The following MAX variants were observed in gnomAD, a reference collection of about 807,000 sequenced individuals.
MAX encodes protein max.
Under a neutral mutation model 22.3 loss-of-function variants are expected in MAX, and 3 were observed. The observed-to-expected ratio is 0.13, with a 90% CI of 0.06 to 0.35. The LOEUF (loss-of-function observed/expected upper bound fraction) is 0.35. Among genes scored for constraint, MAX ranks in the 10% least tolerant of loss-of-function variants. MAX has a pLI of 1.00. For missense variants in MAX, 119 were observed against 209.4 expected (o/e 0.57, Z 2.66); for synonymous variants, 72 against 77.7 (o/e 0.93, Z 0.39).
At chr14:65,058,910 A>G (rs2062801774) in intron 3 of MAX, among the ~76,000 whole-genome samples, 1 of 152,338 alleles carries the variant, frequency 6.6e-6, no homozygotes, top group African/African-American at 2.4e-5. Flanking sequence ...ATGTACATTC[A>G]TAAGAAAGAT....
Position 65,027,245 on chromosome 14 carries a change from C to A in MAX, c.172-20961G>T. The stretch of plus-strand genomic sequence containing the variant: ...GACCAACAAGCGCTTAAGTACGAAA[C>A]TCAGAGGAGGGCAGACAGAAATGAT... On this transcript the variant is annotated intron_variant, in intron 3 of 3. Coordinates refer to the MAX transcript ENST00000341653. The surrounding 1 kb of genome is among the most constrained non-coding windows in gnomAD (Gnocchi z 5.7). 2.5e-6 allele frequency: 2 copies of A among 785,412 alleles called. No individual in the cohort carries two copies. Among genetic ancestry groups the A allele is most frequent in the Admixed American group, 3.1e-5 (1 of 32,260 alleles). The allele number at this position is 785,412 out of a possible 1,614,324, so 48.7% of individuals were successfully genotyped here. A position where few individuals can be genotyped will look rare whatever the true frequency, so the allele number is the denominator to read the frequency against.
At position 65,054,654 on chromosome 14, in the gene MAX, C is replaced by T; in HGVS notation, c.171+39054G>A. The T allele has an allele frequency of 6.2e-7, 1 of 1,613,400 alleles. No individual in the cohort carries two copies. Among genetic ancestry groups the T allele is most frequent in the Non-Finnish European group, 8.5e-7 (1 of 1,179,684 alleles). On this transcript the variant is annotated intron_variant, in intron 3 of 3. Coordinates refer to the MAX transcript ENST00000341653. The surrounding 1 kb of genome is among the most constrained non-coding windows in gnomAD (Gnocchi z 4.4). ...GCACTTCGGCAGCGGAGCCATGTTGCATGATGTGGTCCTGGGTGTGCCCGA... is the reference window on the plus strand; with the variant it reads ...GCACTTCGGCAGCGGAGCCATGTTGTATGATGTGGTCCTGGGTGTGCCCGA...
chr14:65,057,551 T>C (rs2062765154), intron 3 of MAX, among the ~76,000 whole-genome samples: 1 of 152,188 alleles, frequency 6.6e-6, no homozygotes, highest in Non-Finnish European at 1.5e-5. Context: ...ATCTCTACCA[T>C]TTTTTGAGGG....
In MAX at chr14:65,088,920, T is replaced by C. The variant is rs2063419155; in HGVS notation, c.171+4788A>G. Among the ~76,000 whole-genome samples, 1 of 151,580 alleles carries C rather than the reference T, an allele frequency of 6.6e-6. No homozygotes were observed. The highest frequency in any genetic ancestry group is 2.1e-4 in the South Asian group (1 of 4,828). On this transcript the variant is annotated intron_variant, in intron 3 of 4. Coordinates refer to ENST00000358664, the MANE Select transcript of MAX (RefSeq NM_002382.5). This position sits in a 1 kb window ranked among gnomAD's most constrained non-coding sequence, Gnocchi z 5.2. Reference sequence around the variant, plus strand: ...ATGTTCCCTGCCATAAGGGAACTATTATATTTGGTTTCAACATCTACCTGT... The same window carrying C: ...ATGTTCCCTGCCATAAGGGAACTATCATATTTGGTTTCAACATCTACCTGT...
intron 3 of MAX, among the ~76,000 whole-genome samples, chr14:65,067,793 ATT>A (rs59262877): frequency 1.2e-3 from 149 of 123,100 alleles, no homozygotes; most frequent in African/African-American, 2.6e-3. Flanking sequence ...AGCTAATTAC[ATT>A]TTTTTTTTTT....
At chr14:65,085,724 AG>A (rs967657005) in intron 3 of MAX, among the ~76,000 whole-genome samples, 1 of 152,142 alleles carries the variant, frequency 6.6e-6, no homozygotes, top group African/African-American at 2.4e-5. Flanking sequence ...GACTGAGGGA[AG>A]GGGGGAACTC....
chr14:65,077,640 G>A lies in MAX; in HGVS notation c.295+273C>T. ...AGGTGTGATCCCTACTGCAGGCAGAGCACCTGAGCCCCAAGAAGGGGAGAG... is the reference window on the plus strand; with the variant it reads ...AGGTGTGATCCCTACTGCAGGCAGAACACCTGAGCCCCAAGAAGGGGAGAG... On this transcript the variant is annotated intron_variant, in intron 4 of 4. Coordinates refer to ENST00000358664, the MANE Select transcript of MAX (RefSeq NM_002382.5). The surrounding 1 kb of genome is among the most constrained non-coding windows in gnomAD (Gnocchi z 6.3). 1 of 1,299,670 alleles carries A rather than the reference G, an allele frequency of 7.7e-7. No individual in the cohort carries two copies. Among genetic ancestry groups the A allele is most frequent in the Non-Finnish European group, 1.1e-6 (1 of 925,994 alleles). 80.5% of individuals were successfully genotyped at this position (1,299,670 alleles called of 1,614,324 possible). A position where few individuals can be genotyped will look rare whatever the true frequency, so the allele number is the denominator to read the frequency against.
At chr14:65,042,533 G>A (rs2062375994) in intron 3 of MAX, among the ~76,000 whole-genome samples, 1 of 152,150 alleles carries the variant, frequency 6.6e-6, no homozygotes, top group Admixed American at 6.5e-5. Flanking sequence ...GAGCAGTGAG[G>A]AGCAGCTGTA....
intron 3 of MAX, chr14:65,061,095 A>G: frequency 1.9e-6 from 3 of 1,556,894 alleles, no homozygotes; most frequent in Non-Finnish European, 2.6e-6. Flanking sequence ...CTAAATTCTT[A>G]GAAGTGCCTT....
chr14:65,042,442 G>A (rs756303358), intron 3 of MAX, among the ~76,000 whole-genome samples: 2 of 152,120 alleles, frequency 1.3e-5, no homozygotes, highest in South Asian at 2.1e-4. Flanking sequence ...TGGCATACAC[G>A]GTTCACAGTA....
At chr14:65,015,309 G>T (rs1171016515) in intron 3 of MAX, among the ~76,000 whole-genome samples, 1 of 151,620 alleles carries the variant, frequency 6.6e-6, no homozygotes, top group Non-Finnish European at 1.5e-5. Flanking sequence ...CGCCATGTTG[G>T]CCAGGCTGGT....
At chr14:65,051,579 C>A (rs1188035074) in intron 3 of MAX, among the ~76,000 whole-genome samples, 1 of 151,552 alleles carries the variant, frequency 6.6e-6, no homozygotes, top group East Asian at 2.0e-4. Context: ...CCATTGCCCT[C>A]CAACCTGGGC....
chr14:65,055,589 T>C (rs1325034838), intron 3 of MAX, among the ~76,000 whole-genome samples: 1 of 152,128 alleles, frequency 6.6e-6, no homozygotes, highest in Admixed American at 6.5e-5. Flanking sequence ...TGATATTGGC[T>C]CACTGCAACC....
intron 3 of MAX, among the ~76,000 whole-genome samples, chr14:65,021,712 C>A (rs2061888922): frequency 6.6e-6 from 1 of 152,222 alleles, no homozygotes; most frequent in Admixed American, 6.5e-5. Context: ...CTGGTGCAAT[C>A]TCAGCTCACT....
intron 2 of MAX, among the ~76,000 whole-genome samples, chr14:65,100,686 T>G (rs2063806057): frequency 6.6e-6 from 1 of 152,198 alleles, no homozygotes; most frequent in Non-Finnish European, 1.5e-5. Flanking sequence ...TATTAGACAC[T>G]CTGATATACT....
rs2061675877 is a variant in MAX at position 65,011,054 on chromosome 14, C to T, written c.172-4770G>A. 6.6e-6 allele frequency among the ~76,000 whole-genome samples: 1 copy of T among 152,160 alleles called. No individual in the cohort carries two copies. ...TTGAGCCTCAGTAGTATGTTTTTCCCTTGCAAAACCTACCCATTCTTTCCT... is the reference window on the plus strand; with the variant it reads ...TTGAGCCTCAGTAGTATGTTTTTCCTTTGCAAAACCTACCCATTCTTTCCT... On this transcript the variant is annotated intron_variant, in intron 3 of 3. Coordinates refer to the MAX transcript ENST00000341653. The surrounding 1 kb of genome is among the most constrained non-coding windows in gnomAD (Gnocchi z 4.0).
Position 65,077,438 on chromosome 14 carries a change from T to C in MAX, c.295+475A>G. The stretch of plus-strand genomic sequence containing the variant: ...CAGCTCTCGCTTTCCCCTGTGGTTG[T>C]AGGAAAAGGCGGGTGTGAGCATTGA... On this transcript the variant is annotated intron_variant, in intron 4 of 4. Coordinates refer to ENST00000358664, the MANE Select transcript of MAX (RefSeq NM_002382.5). The surrounding 1 kb of genome is among the most constrained non-coding windows in gnomAD (Gnocchi z 6.3). 6.3e-7 allele frequency: 1 copy of C among 1,585,216 alleles called. No individual in the cohort carries two copies. Among genetic ancestry groups the C allele is most frequent in the Non-Finnish European group, 8.7e-7 (1 of 1,153,772 alleles).
intron 3 of MAX, chr14:65,090,436 CT>C (rs1201534085): frequency 1.3e-5 from 2 of 152,216 alleles, no homozygotes; most frequent in African/African-American, 4.8e-5. Flanking sequence ...TATACAACTG[CT>C]GTGTGGATTT....
rs2063586075 is a variant in MAX, at chr14:65,093,935, A to G, written c.64-120T>C. On this transcript the variant is annotated intron_variant, in intron 2 of 4. Transcript: ENST00000358664. The surrounding 1 kb of genome is among the most constrained non-coding windows in gnomAD (Gnocchi z 4.4). ...ACTGTCCCTGGCGAGTGGACTGGGAAGGATTTCTCGAGGTGGGCAGTTAGG... is the reference window on the plus strand; with the variant it reads ...ACTGTCCCTGGCGAGTGGACTGGGAGGGATTTCTCGAGGTGGGCAGTTAGG... 1 of 738,600 alleles carries G rather than the reference A, an allele frequency of 1.4e-6. No individual in the cohort carries two copies. Among genetic ancestry groups the G allele is most frequent in the African/African-American group, 1.7e-5 (1 of 58,408 alleles). 45.8% of individuals were successfully genotyped at this position (738,600 alleles called of 1,614,324 possible).
Sources: allele counts gnomAD v4.1 joint callset (sites outside exome capture counted in the v4.1 genomes callset), GRCh38; gene constraint gnomAD v4.1.1; non-coding constraint Gnocchi (gnomAD v3.1); transcripts MANE v1.5; gene names NCBI Gene and HGNC (gene_info 2026-07-23, HGNC 2026-07-21).